The following TUSC3 variants were observed in gnomAD, a reference collection of about 807,000 sequenced individuals.
The protein encoded by TUSC3 is dolichyl-diphosphooligosaccharide--protein glycosyltransferase subunit TUSC3.
Under a neutral mutation model 44.8 loss-of-function variants are expected in TUSC3, and 45 were observed. The ratio of observed to expected loss-of-function variants is 1.00; its 90% CI spans 0.79 to 1.29. The LOEUF (loss-of-function observed/expected upper bound fraction) is 1.29. Ranked by LOEUF, TUSC3 falls within the 50% of genes most tolerant of loss-of-function variation. TUSC3 has a pLI of 0.00. For missense variants in TUSC3, 519 were observed against 437.9 expected, an observed-to-expected ratio of 1.19 and a Z score of -1.65; for synonymous variants, 212 against 152.9, an observed-to-expected ratio of 1.39 and a Z score of -2.85.
chr8:15,602,242 T>A (rs1459057943), intron 1 of TUSC3, among the ~76,000 whole-genome samples: 1 of 151,678 alleles, frequency 6.6e-6, no homozygotes, highest in Non-Finnish European at 1.5e-5. Flanking sequence ...TAGGCCTTCC[T>A]TTTTGAATAA....
At chr8:15,523,664 ATGTGTGTGTGTGTGTGTG>A (rs869090876) in intron 2 of TUSC3, among the ~76,000 whole-genome samples, 31 of 42,426 alleles carry the variant, frequency 7.3e-4, no homozygotes, top group Admixed American at 1.2e-3. Context: ...ATATATATAT[ATGTGTGTGTGTGTGTGTG>A]TGTGTGTGTG....
chr8:15,650,713 T>C lies in TUSC3; in HGVS notation c.325T>C (p.Tyr109His). ...CSVCRQANEE[Y>H]QILANSWRYS... ...TCTTATCAGGCAAGCTAATGAAGAA[T>C]ATCAAATACTGGCGAACTCCTGGCG... is the stretch of plus-strand genomic sequence containing the variant. Residue 109 changes from tyrosine (Y) to histidine (H), a missense_variant, in exon 3 of 11, where the codon TAT (tyrosine) becomes CAT (histidine). Physicochemically the swap from Tyr to His is moderately conservative, Grantham distance 83. Transcript: ENST00000503731. 6.2e-7 allele frequency: 1 copy of C among 1,614,116 alleles called. No individual in the cohort carries two copies. The highest frequency in any genetic ancestry group is 8.5e-7 in the Non-Finnish European group (1 of 1,179,986).
intron 1 of TUSC3, among the ~76,000 whole-genome samples, chr8:15,423,899 G>A (rs374644098): frequency 1.6e-3 from 242 of 150,120 alleles, no homozygotes; most frequent in African/African-American, 5.7e-3. Flanking sequence ...GTTGTGTGGG[G>A]CTTATTGACC....
intron 6 of TUSC3, among the ~76,000 whole-genome samples, chr8:15,690,739 C>A (rs1382135334): frequency 6.6e-6 from 1 of 152,066 alleles, no homozygotes; most frequent in East Asian, 1.9e-4. Flanking sequence ...TATCCCAGCA[C>A]CCCTTACTGA....
intron 1 of TUSC3, among the ~76,000 whole-genome samples, chr8:15,562,349 C>T (rs62504195): frequency 0.15 from 23,437 of 152,070 alleles, 2,165 homozygotes; most frequent in Non-Finnish European, 0.21. Context: ...TTTATCTTTC[C>T]ATCCGTCTTA....
At chr8:15,464,830 A>C (rs1563258211) in intron 1 of TUSC3, among the ~76,000 whole-genome samples, 1 of 152,088 alleles carries the variant, frequency 6.6e-6, no homozygotes, top group Admixed American at 6.6e-5. Flanking sequence ...GTCATGACTG[A>C]TAACTTCTTG....
At chr8:15,755,185 G>A (rs1327279058) in intron 9 of TUSC3, among the ~76,000 whole-genome samples, 2 of 152,086 alleles carry the variant, frequency 1.3e-5, no homozygotes, top group African/African-American at 4.8e-5. Flanking sequence ...GTTACTAGCT[G>A]TGTGACCTTG....
At chr8:15,576,147 T>G (rs1803095814) in intron 1 of TUSC3, among the ~76,000 whole-genome samples, 1 of 151,644 alleles carries the variant, frequency 6.6e-6, no homozygotes, top group South Asian at 2.1e-4. Flanking sequence ...TTTTGAATGA[T>G]GTGTGCAGAA....
chr8:15,428,842 T>G (rs1355863811), intron 1 of TUSC3, among the ~76,000 whole-genome samples: 1 of 152,018 alleles, frequency 6.6e-6, no homozygotes, highest in Non-Finnish European at 1.5e-5. Flanking sequence ...GTAAATTTGT[T>G]TGAGTTCATT....
chr8:15,695,876 G>A (rs900457596), intron 6 of TUSC3, among the ~76,000 whole-genome samples: 1 of 152,140 alleles, frequency 6.6e-6, no homozygotes, highest in Non-Finnish European at 1.5e-5. Context: ...AGGGTATGTG[G>A]TGGAAGAAAT....
chr8:15,698,334 G>C (rs906920993), intron 6 of TUSC3, among the ~76,000 whole-genome samples: 1 of 152,148 alleles, frequency 6.6e-6, no homozygotes, highest in Non-Finnish European at 1.5e-5. Flanking sequence ...TAAAAACTCT[G>C]TAAGTTAGGA....
At chr8:15,659,165 C>T (rs1026720995) in intron 3 of TUSC3, among the ~76,000 whole-genome samples, 2 of 152,090 alleles carry the variant, frequency 1.3e-5, no homozygotes, top group African/African-American at 2.4e-5. Context: ...TACTGCCAAA[C>T]TGCTATATTT....
the TUSC3 span, among the ~76,000 whole-genome samples, chr8:15,850,111 CT>C: frequency 0.016 from 2,357 of 145,156 alleles, 39 homozygotes; most frequent in African/African-American, 0.05. Flanking sequence ...CTTGTTTATC[CT>C]TTTTTTTTTT....
At chr8:15,453,741 TCAGA>T (rs1204362963) in intron 1 of TUSC3, among the ~76,000 whole-genome samples, 7 of 152,176 alleles carry the variant, frequency 4.6e-5, no homozygotes, top group Admixed American at 1.3e-4. Flanking sequence ...GGGCAGGTAG[TCAGA>T]CAGAGCAGGG....
chr8:15,686,914 A>G (rs1185921907), intron 6 of TUSC3, among the ~76,000 whole-genome samples: 1 of 151,656 alleles, frequency 6.6e-6, no homozygotes, highest in Non-Finnish European at 1.5e-5. Flanking sequence ...TAAAAATACA[A>G]AAAATTAGCC....
At chr8:15,748,051 C>T (rs1432527652) in intron 8 of TUSC3, among the ~76,000 whole-genome samples, 2 of 152,088 alleles carry the variant, frequency 1.3e-5, no homozygotes, top group African/African-American at 4.8e-5. Flanking sequence ...TTGTTTTGAT[C>T]ACTCTGGGGC....
the TUSC3 span, among the ~76,000 whole-genome samples, chr8:15,817,437 T>C: frequency 6.6e-6 from 1 of 152,142 alleles, no homozygotes; most frequent in Non-Finnish European, 1.5e-5. Flanking sequence ...GTGGTTTGGC[T>C]TGGTCTCCAC....
In TUSC3 at chr8:15,708,788, G is replaced by A. The variant is rs148027963; in HGVS notation, c.799-21878G>A. Among the ~76,000 whole-genome samples, 712 of 151,980 alleles carry A rather than the reference G, an allele frequency of 4.7e-3. 3 individuals carry two copies. The highest frequency in any genetic ancestry group is 7.9e-3 in the Non-Finnish European group (534 of 67,894). On this transcript the variant is annotated intron_variant, in intron 6 of 10. Transcript: ENST00000503731. Reference sequence around the variant, plus strand: ...TCAAGATCTTTACAAGATACGTGGAGTCATGATACTGATAAAAGTGAAACA... The same window carrying A: ...TCAAGATCTTTACAAGATACGTGGAATCATGATACTGATAAAAGTGAAACA...
intron 4 of TUSC3, among the ~76,000 whole-genome samples, chr8:15,660,904 TAA>T (rs60971907): frequency 1.8e-3 from 175 of 95,196 alleles, no homozygotes; most frequent in African/African-American, 6.1e-3. Flanking sequence ...AAACTTTTGT[TAA>T]AAAAAAAAAA....
Sources: gnomAD v4.1 joint callset for allele counts (sites outside exome capture counted in the v4.1 genomes callset) on GRCh38, gnomAD v4.1.1 for gene constraint, MANE v1.5 for transcripts, NCBI Gene and HGNC (gene_info 2026-07-23, HGNC 2026-07-21) for gene names.